NCKAP5: variants seen among roughly 807,000 people sequenced by gnomAD.
NCKAP5 encodes nck-associated protein 5.
A neutral mutation model predicts 167.0 loss-of-function variants in NCKAP5; 92 were observed. The ratio of observed to expected loss-of-function variants is 0.55; its 90% CI spans 0.47 to 0.66. The LOEUF is 0.66. NCKAP5 is among the 30% of genes least tolerant of loss of function. The pLI is 0.00. For synonymous variants in NCKAP5, 891 were observed against 877.4 expected (o/e 1.02, Z -0.27); for missense variants, 2,378 against 2,315.0 (o/e 1.03, Z -0.56).
Position 133,454,308 on chromosome 2 carries a change from A to G in NCKAP5, c.69+63150T>C. Among the ~76,000 whole-genome samples, 2 of 152,072 alleles carry G rather than the reference A, an allele frequency of 1.3e-5. 1 individual carries two copies. The highest frequency in any genetic ancestry group is 2.9e-5 in the Non-Finnish European group (2 of 67,918). ...AAGTAAGTATTTGGTATAGAATTAT[A>G]CTTCAACATACTGAGGATATTGATA... is the stretch of plus-strand genomic sequence containing the variant. On this transcript the variant is annotated intron_variant, in intron 3 of 19. Coordinates refer to ENST00000409261, the MANE Select transcript of NCKAP5 (RefSeq NM_207363.3).
At chr2:133,116,138 G>A (rs1313049121) in intron 6 of NCKAP5, among the ~76,000 whole-genome samples, 1 of 152,020 alleles carries the variant, frequency 6.6e-6, no homozygotes, top group Admixed American at 6.6e-5. Flanking sequence ...AGTTTTATAA[G>A]TTTTAGAATG....
intron 5 of NCKAP5, among the ~76,000 whole-genome samples, chr2:133,210,145 A>G (rs1424448832): frequency 7.7e-6 from 1 of 130,516 alleles, no homozygotes. Context: ...AGTCTGGGCA[A>G]CAAGAGTGAA....
At chr2:132,788,949 C>G (rs1431788474) in intron 13 of NCKAP5, among the ~76,000 whole-genome samples, 1 of 152,142 alleles carries the variant, frequency 6.6e-6, no homozygotes, top group South Asian at 2.1e-4. Context: ...AGAAACAAGA[C>G]AGTTCACTGT....
chr2:133,559,788 AT>A (rs1235454508), intron 1 of NCKAP5, among the ~76,000 whole-genome samples: 1 of 152,186 alleles, frequency 6.6e-6, no homozygotes, highest in East Asian at 1.9e-4. Context: ...TACTGTCTGC[AT>A]TAATTGACTC....
At chr2:133,558,728 C>CAAAAAAAAAAAAAAAAAAAAA (rs1687944150) in intron 2 of NCKAP5, among the ~76,000 whole-genome samples, 1 of 32,908 alleles carries the variant, frequency 3.0e-5, no homozygotes, top group Non-Finnish European at 6.2e-5. Flanking sequence ...AAAAAAAAAG[C>CAAAAAAAAAAAAAAAAAAAAA]CCATATGGCA....
rs1459003770 is a variant in NCKAP5 at position 133,112,396 on chromosome 2, C to G, written c.341+17582G>C. On this transcript the variant is annotated intron_variant, in intron 6 of 19. Coordinates refer to ENST00000409261, the MANE Select transcript of NCKAP5 (RefSeq NM_207363.3). ...GGCTGAGGCGGAAGAATAGCGTGAA[C>G]CCGGGAGGCGGAGCTTGCAGTGAGC... Among the ~76,000 whole-genome samples the G allele has an allele frequency of 2.0e-5, 3 of 152,012 alleles. No individual in the cohort carries two copies. In the East Asian group the frequency reaches 5.8e-4, roughly 29 times the overall value.
chr2:132,861,717 A>G (rs887777317), intron 10 of NCKAP5, among the ~76,000 whole-genome samples: 2 of 152,066 alleles, frequency 1.3e-5, no homozygotes, highest in Non-Finnish European at 2.9e-5. Flanking sequence ...GGCATCCCTC[A>G]ATACCTGCTC....
chr2:132,963,754 G>T lies in NCKAP5; in HGVS notation c.545C>A (p.Thr182Asn). 1 of 1,613,844 alleles carries T rather than the reference G, an allele frequency of 6.2e-7. No individual in the cohort carries two copies. Among genetic ancestry groups the T allele is most frequent in the African/African-American group, 1.3e-5 (1 of 75,022 alleles). ...SSSTDEGKEKTKLLLERLKAL... is the reference protein window; with the variant it reads ...SSSTDEGKEKNKLLLERLKAL... ...TTTCAATCTCTCTAATAGCAATTTG[G>T]TCTTTTCTTTTCCCTCATCTGTACT... Residue 182 changes from threonine (T) to asparagine (N), a missense_variant, in exon 8 of 20, where the codon ACC (threonine) becomes AAC (asparagine). By Grantham distance (65) the Thr-to-Asn change is moderately conservative. Coordinates refer to ENST00000409261, the MANE Select transcript of NCKAP5 (RefSeq NM_207363.3).
intron 3 of NCKAP5, among the ~76,000 whole-genome samples, chr2:133,411,887 C>G (rs1688794017): frequency 6.6e-6 from 1 of 152,178 alleles, no homozygotes; most frequent in Non-Finnish European, 1.5e-5. Flanking sequence ...GATGTACACA[C>G]ACTTAAGAAT....
the NCKAP5 span, among the ~76,000 whole-genome samples, chr2:133,647,481 GGAAAGGA>G: frequency 3.5e-5 from 3 of 85,202 alleles, no homozygotes; most frequent in African/African-American, 5.1e-5. Flanking sequence ...GGGAAGGAAA[GGAAAGGA>G]AAGGAAAGGA....
At chr2:132,947,394 GTGAGTCTATCC>G (rs1697832579) in intron 8 of NCKAP5, among the ~76,000 whole-genome samples, 1 of 152,124 alleles carries the variant, frequency 6.6e-6, no homozygotes, top group South Asian at 2.1e-4. Flanking sequence ...AGTAAAATAA[GTGAGTCTATCC>G]TGGGCTTTGT....
chr2:133,571,975 CA>C (rs111238105), upstream of NCKAP5, among the ~76,000 whole-genome samples: 40,738 of 141,480 alleles, frequency 0.29, 6,235 homozygotes, highest in African/African-American at 0.41. Context: ...AACTCCATCT[CA>C]AAAAAAAAAA....
intron 7 of NCKAP5, among the ~76,000 whole-genome samples, chr2:132,975,547 G>C (rs2076954542): frequency 1.3e-5 from 2 of 152,092 alleles, no homozygotes. Flanking sequence ...TTTACATAAA[G>C]GGAAACTCTA....
intron 3 of NCKAP5, among the ~76,000 whole-genome samples, chr2:133,319,433 T>C (rs1436836806): frequency 6.6e-6 from 1 of 152,100 alleles, no homozygotes; most frequent in East Asian, 1.9e-4. Context: ...ATGATAAATA[T>C]GATGCAGGTG....
Position 132,819,094 on chromosome 2 carries a change from G to GA in NCKAP5, c.808-22366dup, listed in dbSNP as rs200599788. On this transcript the variant is annotated intron_variant, in intron 11 of 19. Coordinates refer to ENST00000409261, the MANE Select transcript of NCKAP5 (RefSeq NM_207363.3). ...AAAGAACCATAGGCTTCCTTGATCT[G>GA]AAAAAAAAATGGTCTATGGTTAAAA... is the stretch of plus-strand genomic sequence containing the variant. 1.6e-4 allele frequency among the ~76,000 whole-genome samples: 24 copies of GA among 150,132 alleles called. No individual in the cohort carries two copies. The East Asian group carries it at 4.1e-3, about 26-fold the overall frequency.
chr2:132,938,257 A>C (rs1221883810), intron 8 of NCKAP5, among the ~76,000 whole-genome samples: 1 of 152,172 alleles, frequency 6.6e-6, no homozygotes, highest in African/African-American at 2.4e-5. Context: ...GCATTTCAGG[A>C]ATCAGAGGAT....
intron 2 of NCKAP5, among the ~76,000 whole-genome samples, chr2:133,522,345 C>A (rs1487065631): frequency 6.6e-6 from 1 of 152,160 alleles, no homozygotes; most frequent in Non-Finnish European, 1.5e-5. Flanking sequence ...TCCCTCTTTG[C>A]TTGAAACATC....
rs1332220895 is a variant in NCKAP5 at position 133,248,881 on chromosome 2, C to T, written c.144-35102G>A. Among the ~76,000 whole-genome samples the T allele has an allele frequency of 3.9e-5, 6 of 152,314 alleles. No homozygotes were observed. The East Asian group carries it at 5.8e-4, about 15-fold the overall frequency. ...TTCCTTCCTGAGTTCCAATTTATCA[C>T]ATCTTATCCTGAGAAAAATCATCTG... On this transcript the variant is annotated intron_variant, in intron 4 of 19. Coordinates refer to ENST00000409261, the MANE Select transcript of NCKAP5 (RefSeq NM_207363.3).
At chr2:132,921,734 T>A (rs1211581715) in intron 8 of NCKAP5, among the ~76,000 whole-genome samples, 2 of 152,084 alleles carry the variant, frequency 1.3e-5, no homozygotes, top group East Asian at 3.9e-4. Flanking sequence ...GTATCTTGAC[T>A]TACGAGGAAC....
Sources: gnomAD v4.1 joint callset for allele counts (sites outside exome capture counted in the v4.1 genomes callset) on GRCh38, gnomAD v4.1.1 for gene constraint, MANE v1.5 for transcripts, NCBI Gene and HGNC (gene_info 2026-07-23, HGNC 2026-07-21) for gene names.